DNAH5: variants seen among roughly 807,000 people sequenced by gnomAD.
DNAH5 encodes the protein axonemal beta dynein heavy chain 5.
A neutral mutation model predicts 518.2 loss-of-function variants in DNAH5; 372 were observed. The ratio of observed to expected loss-of-function variants is 0.72; its 90% CI spans 0.66 to 0.78. The LOEUF is 0.78. Ranked by LOEUF, DNAH5 falls within the 30% of genes least tolerant of loss-of-function variation. The probability of loss-of-function intolerance (pLI) is 0.00; values close to 1 mark genes in which losing one functional copy is unlikely to be tolerated. For synonymous variants in DNAH5, 2,039 were observed against 2,025.9 expected (o/e 1.01, Z -0.17); for missense variants, 5,523 against 5,687.0 (o/e 0.97, Z 0.93).
chr5:13,868,427 C>T (rs561964662), intron 24 of DNAH5, among the ~76,000 whole-genome samples: 10 of 152,194 alleles, frequency 6.6e-5, no homozygotes, highest in African/African-American at 1.2e-4. Flanking sequence ...TTCACGTGAT[C>T]GATAAGAGGT....
intron 67 of DNAH5, 36 bp downstream of exon 67, chr5:13,735,782 A>G (rs1747310914): frequency 6.9e-7 from 1 of 1,458,954 alleles, no homozygotes; most frequent in Admixed American, 1.7e-5. Flanking sequence ...GTGCACAGAT[A>G]TAGAATTCAG....
At chr5:13,874,197 T>G (rs960151080) in intron 22 of DNAH5, among the ~76,000 whole-genome samples, 2 of 152,186 alleles carry the variant, frequency 1.3e-5, no homozygotes, top group African/African-American at 4.8e-5. Flanking sequence ...TGCAATAGCA[T>G]GTAGACATAT....
chr5:13,848,435 G>A (rs1170115765), intron 31 of DNAH5, among the ~76,000 whole-genome samples: 1 of 152,146 alleles, frequency 6.6e-6, no homozygotes, highest in East Asian at 1.9e-4. Flanking sequence ...ATAGACCAGG[G>A]GTGGGAGTAG....
chr5:13,918,376 T>G (rs1003416259), intron 7 of DNAH5, among the ~76,000 whole-genome samples: 1 of 152,186 alleles, frequency 6.6e-6, no homozygotes, highest in African/African-American at 2.4e-5. Context: ...ATCACAGCTG[T>G]AGCCTCATGA....
rs1580068395 is a variant in DNAH5, at chr5:13,753,486, T to C, written c.10619A>G (p.Asp3540Gly). Residue 3540 changes from aspartate (D) to glycine (G), a missense_variant, in exon 63 of 79, where the codon GAT (aspartate) becomes GGT (glycine). Asp to Gly is a moderately conservative substitution (Grantham distance 94, BLOSUM62 -1). This residue lies in a region of DNAH5 where 5,121 missense variants were observed against 5,223.3 expected (regional missense o/e 0.98). Transcript: ENST00000265104. Reference sequence around the variant, plus strand: ...CTTCCGCCAGTCATTTAACAGAAGATCACGAAACTCTTGGTTAAATGGACC... The same window carrying C: ...CTTCCGCCAGTCATTTAACAGAAGACCACGAAACTCTTGGTTAAATGGACC... ...YSGPFNQEFRDLLLNDWRKEM... is the reference protein window; with the variant it reads ...YSGPFNQEFRGLLLNDWRKEM... 6.2e-7 allele frequency: 1 copy of C among 1,614,010 alleles called. No homozygotes were observed. The highest frequency in any genetic ancestry group is 1.7e-5 in the Admixed American group (1 of 60,004).
intron 8 of DNAH5, 32 bp from the exon 9 acceptor site, chr5:13,916,487 A>C (rs747476238): frequency 1.6e-6 from 2 of 1,285,950 alleles, no homozygotes; most frequent in East Asian, 2.4e-5. Flanking sequence ...TTCAGAAAAA[A>C]TCATCAAATT....
chr5:13,812,969 T>C (rs1190356268), intron 43 of DNAH5, among the ~76,000 whole-genome samples: 1 of 152,182 alleles, frequency 6.6e-6, no homozygotes, highest in Non-Finnish European at 1.5e-5. Context: ...CATAGCACTT[T>C]TGAGTTGATG....
chr5:13,947,756 A>G (rs981130051), upstream of DNAH5, among the ~76,000 whole-genome samples: 3 of 152,220 alleles, frequency 2.0e-5, no homozygotes, highest in African/African-American at 7.2e-5. Context: ...GAGGCCCAAC[A>G]GGATCAAACA....
chr5:14,004,349 T>C (rs1784577312), intron 1 of DNAH5, among the ~76,000 whole-genome samples: 1 of 152,186 alleles, frequency 6.6e-6, no homozygotes, highest in African/African-American at 2.4e-5. Flanking sequence ...TTAAAGGCTT[T>C]TGCTGCCTAT....
At chr5:13,922,923 CAA>C (rs371665061) in intron 4 of DNAH5, among the ~76,000 whole-genome samples, 2 of 137,140 alleles carry the variant, frequency 1.5e-5, no homozygotes, top group Admixed American at 7.3e-5. Context: ...TTACTTTGCA[CAA>C]AAAAAAAAAA....
intron 1 of DNAH5, among the ~76,000 whole-genome samples, chr5:13,943,155 TCAGACTTGGTACTGAAGCA>T (rs1354134603): frequency 6.6e-6 from 1 of 152,238 alleles, no homozygotes; most frequent in Non-Finnish European, 1.5e-5. Flanking sequence ...TTGTGGTGTT[TCAGACTTGGTACTGAAGCA>T]CAGGAAAAAT....
chr5:13,721,058 G>C lies in DNAH5; in HGVS notation c.12221C>G (p.Ser4074Cys). The C allele has an allele frequency of 6.2e-7, 1 of 1,614,106 alleles. No individual in the cohort carries two copies. Among genetic ancestry groups the C allele is most frequent in the Non-Finnish European group, 8.5e-7 (1 of 1,179,986 alleles). The change falls in exon 71 of 79, where the codon TCC (serine) becomes TGC (cysteine). Residue 4074 changes from serine (S) to cysteine (C), a missense_variant. Physicochemically the swap from Ser to Cys is moderately radical, Grantham distance 112. Transcript: ENST00000265104. ...KRLKIETRYV[S>C]MGQGQEVHAR... ...ATGGACTTCCTGGCCCTGGCCCATGGACACATAACGGGTTTCTATTTTTAA... is the reference window on the plus strand; with the variant it reads ...ATGGACTTCCTGGCCCTGGCCCATGCACACATAACGGGTTTCTATTTTTAA...
rs552782157 is a variant in DNAH5, at chr5:13,770,837, C to T, written c.9517G>A (p.Val3173Met). The change falls in exon 56 of 79, where the codon GTG becomes ATG. Residue 3173 changes from valine to methionine, a missense_variant. Physicochemically the swap from Val to Met is conservative, Grantham distance 21 (BLOSUM62 1). This residue lies in a region of DNAH5 where 5,121 missense variants were observed against 5,223.3 expected (regional missense o/e 0.98). Coordinates refer to ENST00000265104, the MANE Select transcript of DNAH5 (RefSeq NM_001369.3). ...AAGGAGAGGTATGATTTGGGCGTCA[C>T]GTGGGTAGAACGTCGGAATCTCTGA... Reference protein sequence around the residue: ...YFQRFRRSTHVTPKSYLSFIQ... With the variant: ...YFQRFRRSTHMTPKSYLSFIQ... 90 of 1,614,006 alleles carry T rather than the reference C, an allele frequency of 5.6e-5. No individual in the cohort carries two copies. Among genetic ancestry groups the T allele is most frequent in the Non-Finnish European group, 6.9e-5 (81 of 1,179,956 alleles).
At chr5:13,911,070 G>A (rs775058206) in intron 12 of DNAH5, among the ~76,000 whole-genome samples, 2 of 152,172 alleles carry the variant, frequency 1.3e-5, no homozygotes, top group African/African-American at 2.4e-5. Context: ...AGTGACAAAC[G>A]GAAATAAGAG....
chr5:13,783,600 C>A (rs1032688447), intron 52 of DNAH5, among the ~76,000 whole-genome samples: 3 of 152,136 alleles, frequency 2.0e-5, no homozygotes, highest in Admixed American at 2.0e-4. Flanking sequence ...TAAGCAGGAA[C>A]TAGATCATGC....
chr5:13,937,599 T>C (rs1202763520), intron 1 of DNAH5, among the ~76,000 whole-genome samples: 2 of 151,878 alleles, frequency 1.3e-5, no homozygotes, highest in Admixed American at 6.6e-5. Flanking sequence ...ATACTGCATA[T>C]ACCAGGTCCT....
Position 13,841,760 on chromosome 5 carries a change from G to A in DNAH5, c.5416C>T (p.Gln1806Ter). Reference sequence around the variant, plus strand: ...GTTTCTTGAATATTTGCGGCTGCCTGGCGAATCACAAGATGCAATGAGGAC... The same window carrying A: ...GTTTCTTGAATATTTGCGGCTGCCTAGCGAATCACAAGATGCAATGAGGAC... ...SQSSLHLVIR[Q>*]AAANIQETGF... The change falls in exon 33 of 79, where the codon CAG becomes TAG. Residue 1806 changes from glutamine (Q) to a stop codon, truncating the protein, a stop_gained. Transcript: ENST00000265104. LOFTEE classifies it high-confidence loss of function. 6.2e-7 allele frequency: 1 copy of A among 1,613,952 alleles called. No homozygotes were observed. The highest frequency in any genetic ancestry group is 8.5e-7 in the Non-Finnish European group (1 of 1,179,934).
chr5:13,888,308 C>T (rs550532611), intron 17 of DNAH5, among the ~76,000 whole-genome samples: 9 of 152,310 alleles, frequency 5.9e-5, no homozygotes, highest in African/African-American at 1.9e-4. Context: ...TACTTCAACT[C>T]AACACCTTTC....
chr5:13,923,544 TC>T, intron 3 of DNAH5, 104 bp from the exon 4 acceptor site: 2 of 1,291,438 alleles, frequency 1.5e-6, no homozygotes, highest in Non-Finnish European at 2.2e-6. Context: ...TGTTGACTTG[TC>T]CATGTGCCTT....
Sources: gnomAD v4.1 joint callset for allele counts (sites outside exome capture counted in the v4.1 genomes callset) on GRCh38, gnomAD v4.1.1 for gene constraint, gnomAD v4.1.1 regional missense constraint, MANE v1.5 for transcripts, NCBI Gene and HGNC (gene_info 2026-07-23, HGNC 2026-07-21) for gene names.